Variants in FGF2 observed in about 807,000 individuals in gnomAD.
FGF2 encodes the protein fibroblast growth factor 2, also known as basic fibroblast growth factor bFGF.
FGF2 carries 13 observed loss-of-function variants against 15.9 expected under a neutral mutation model. The ratio of observed to expected loss-of-function variants is 0.82; its 90% CI spans 0.53 to 1.30. The LOEUF (loss-of-function observed/expected upper bound fraction) is 1.30. Among genes scored for constraint, FGF2 ranks in the 50% most tolerant of loss-of-function variants. FGF2 has a pLI of 0.00. For synonymous variants in FGF2, 90 were observed against 78.4 expected (o/e 1.15, Z -0.78); for missense variants, 163 against 196.9 (o/e 0.83, Z 1.03).
intron 2 of FGF2, among the ~76,000 whole-genome samples, chr4:122,888,337 T>C (rs1442226307): frequency 2.6e-5 from 4 of 152,216 alleles, no homozygotes; most frequent in African/African-American, 9.6e-5. Flanking sequence ...TATTACTGAA[T>C]AACCCTTTAA....
chr4:122,868,277 C>A (rs1042545818), intron 1 of FGF2, among the ~76,000 whole-genome samples: 2 of 152,134 alleles, frequency 1.3e-5, no homozygotes, highest in Non-Finnish European at 2.9e-5. Context: ...TTTCACTCCC[C>A]ACCCCACAAC....
At chr4:122,871,171 C>A (rs1726722798) in intron 1 of FGF2, among the ~76,000 whole-genome samples, 1 of 150,284 alleles carries the variant, frequency 6.7e-6, no homozygotes. Context: ...AATTTGATTG[C>A]ACTGTGTTTT....
chr4:122,870,513 A>T lies in FGF2; in HGVS notation c.179-5808A>T, dbSNP rs540217789. Among the ~76,000 whole-genome samples, 3 of 152,080 alleles carry T rather than the reference A, an allele frequency of 2.0e-5. No homozygotes were observed. The South Asian group carries it at 6.2e-4, about 32-fold the overall frequency. ...TACTGCCTCAATTTCAGAGCTTGTT[A>T]TTGGTCTATTTAGGGATTCTTCTTC... On this transcript the variant is annotated intron_variant, in intron 1 of 2. Coordinates refer to ENST00000644866, the MANE Select transcript of FGF2 (RefSeq NM_001361665.2).
chr4:122,864,853 CAGTT>C (rs1489142759), intron 1 of FGF2, among the ~76,000 whole-genome samples: 1 of 152,118 alleles, frequency 6.6e-6, no homozygotes, highest in Non-Finnish European at 1.5e-5. Context: ...ATATGACACA[CAGTT>C]GGTATTTTAT....
intron 2 of FGF2, among the ~76,000 whole-genome samples, chr4:122,891,287 G>C (rs1727180793): frequency 6.6e-6 from 1 of 151,826 alleles, no homozygotes; most frequent in Admixed American, 6.6e-5. Flanking sequence ...TGATCCGCCC[G>C]TCTCGGCCTC....
In FGF2 at chr4:122,826,993, G is replaced by A. The variant is rs1367392769; in HGVS notation, c.-182G>A. ...ACCAGGGGCCGGCGGACAGAAGAGC[G>A]GCCGAGCGGCTCGAGGCTGGGGGAC... is the stretch of plus-strand genomic sequence containing the variant. On this transcript the variant is annotated 5_prime_UTR_variant, in exon 1 of 3. Coordinates refer to ENST00000644866, the MANE Select transcript of FGF2 (RefSeq NM_001361665.2). 2.8e-5 allele frequency: 36 copies of A among 1,266,850 alleles called. No homozygotes were observed. Among genetic ancestry groups the A allele is most frequent in the Non-Finnish European group, 3.6e-5 (36 of 1,006,206 alleles). 78.5% of individuals were successfully genotyped at this position (1,266,850 alleles called of 1,614,324 possible). A position where few individuals can be genotyped will look rare whatever the true frequency, so the allele number is the denominator to read the frequency against.
intron 1 of FGF2, among the ~76,000 whole-genome samples, chr4:122,860,739 A>G (rs1726445449): frequency 6.6e-6 from 1 of 152,180 alleles, no homozygotes; most frequent in South Asian, 2.1e-4. Flanking sequence ...TACAGGCGTG[A>G]GCCACTGCAC....
chr4:122,875,658 T>A (rs918660744), intron 1 of FGF2, among the ~76,000 whole-genome samples: 1 of 151,974 alleles, frequency 6.6e-6, no homozygotes, highest in Non-Finnish European at 1.5e-5. Flanking sequence ...ATACAAAAAA[T>A]TAGCTGGGCG....
At chr4:122,840,941 A>G (rs1560738689) in intron 1 of FGF2, among the ~76,000 whole-genome samples, 1 of 152,158 alleles carries the variant, frequency 6.6e-6, no homozygotes, top group Non-Finnish European at 1.5e-5. Context: ...ACTCTAGGTA[A>G]GTAGTAAGCT....
At chr4:122,869,347 A>C (rs1376964865) in intron 1 of FGF2, among the ~76,000 whole-genome samples, 1 of 152,176 alleles carries the variant, frequency 6.6e-6, no homozygotes, top group Admixed American at 6.5e-5. Context: ...ATGAAATTTA[A>C]AATAGTTTTT....
At chr4:122,834,591 C>A (rs1024776970) in intron 1 of FGF2, among the ~76,000 whole-genome samples, 3 of 152,216 alleles carry the variant, frequency 2.0e-5, no homozygotes, top group African/African-American at 7.2e-5. Flanking sequence ...GCTTCTATTA[C>A]ATCACATCAA....
rs541531611 is a variant in FGF2 at position 122,837,051 on chromosome 4, T to G, written c.178+9699T>G. ...ACTCAGGTCTAAAACCAGTGAATCA[T>G]TGTAAAAGTTAGTATTGGGGACTGT... On this transcript the variant is annotated intron_variant, in intron 1 of 2. Transcript: ENST00000644866. Among the ~76,000 whole-genome samples, 5 of 152,314 alleles carry G rather than the reference T, an allele frequency of 3.3e-5. No homozygotes were observed. The South Asian group carries it at 1.0e-3, about 32-fold the overall frequency.
chr4:122,847,975 A>G lies in FGF2; in HGVS notation c.178+20623A>G, dbSNP rs577884008. On this transcript the variant is annotated intron_variant, in intron 1 of 2. Coordinates refer to ENST00000644866, the MANE Select transcript of FGF2 (RefSeq NM_001361665.2). ...ACAGAATCATCCAGAATAATGTTTG[A>G]CCTAATAGCTGGGCACTATGGCCCA... is the stretch of plus-strand genomic sequence containing the variant. Among the ~76,000 whole-genome samples the G allele has an allele frequency of 1.9e-3, 297 of 152,332 alleles. 2 individuals are homozygous for G. Among genetic ancestry groups the G allele is most frequent in the Non-Finnish European group, 3.1e-3 (214 of 68,026 alleles).
Position 122,892,500 on chromosome 4 carries a change from A to G in FGF2, c.*104A>G, listed in dbSNP as rs3804156. 3.1e-4 allele frequency: 484 copies of G among 1,551,890 alleles called. 2 individuals are homozygous for G. The East Asian group carries it at 9.2e-3, about 29-fold the overall frequency. ...AATAAATGTGTATAGCTCAGTTTGG[A>G]TAATTGGTCAAACAATTTTTTATCC... On this transcript the variant is annotated 3_prime_UTR_variant, in exon 3 of 3. Transcript: ENST00000644866.
chr4:122,894,026 G>A lies in FGF2; in HGVS notation c.*1630G>A, dbSNP rs2150795502. 6.6e-6 allele frequency: 1 copy of A among 152,266 alleles called. No individual in the cohort carries two copies. The highest frequency in any genetic ancestry group is 1.9e-4 in the East Asian group (1 of 5,186). 9.4% of individuals were successfully genotyped at this position (152,266 alleles called of 1,614,324 possible). A position where few individuals can be genotyped will look rare whatever the true frequency, so the allele number is the denominator to read the frequency against. On this transcript the variant is annotated 3_prime_UTR_variant, in exon 3 of 3. Coordinates refer to ENST00000644866, the MANE Select transcript of FGF2 (RefSeq NM_001361665.2). ...ATTTGCCCTTGCAGTAATTCTACTGGTGAAAAACATGCAAAGAAGAGGAAG... is the reference window on the plus strand; with the variant it reads ...ATTTGCCCTTGCAGTAATTCTACTGATGAAAAACATGCAAAGAAGAGGAAG...
Position 122,897,275 on chromosome 4 carries a change from G to GT in FGF2, c.*4882dup, listed in dbSNP as rs765435562. On this transcript the variant is annotated 3_prime_UTR_variant, in exon 3 of 3. Transcript: ENST00000644866. ...ATGGTCAGGAATTTGTTTTCTCATA[G>GT]TTTAATTCCAACAACAATATTAGTC... The GT allele has an allele frequency of 1.9e-5, 4 of 205,948 alleles. No homozygotes were observed. Among genetic ancestry groups the GT allele is most frequent in the Non-Finnish European group, 3.9e-5 (4 of 103,204 alleles). 12.8% of individuals were successfully genotyped at this position (205,948 alleles called of 1,614,324 possible).
intron 2 of FGF2, among the ~76,000 whole-genome samples, chr4:122,891,655 T>C (rs1256151473): frequency 6.6e-6 from 1 of 152,222 alleles, no homozygotes; most frequent in Non-Finnish European, 1.5e-5. Context: ...TTAAAAAACA[T>C]TAGCCACTTA....
intron 1 of FGF2, among the ~76,000 whole-genome samples, chr4:122,834,046 A>T (rs934950676): frequency 6.6e-6 from 1 of 152,192 alleles, no homozygotes. Flanking sequence ...AGGCTCACAG[A>T]CACTTTGGAG....
At chr4:122,853,062 C>A (rs1726268774) in intron 1 of FGF2, among the ~76,000 whole-genome samples, 1 of 152,180 alleles carries the variant, frequency 6.6e-6, no homozygotes, top group Non-Finnish European at 1.5e-5. Context: ...CTTTAGGAGG[C>A]AGAAGCAGGT....
Sources: gnomAD v4.1 joint callset for allele counts (sites outside exome capture counted in the v4.1 genomes callset) on GRCh38, gnomAD v4.1.1 for gene constraint, MANE v1.5 for transcripts, NCBI Gene and HGNC (gene_info 2026-07-23, HGNC 2026-07-21) for gene names.